DOCK11: variants seen among roughly 807,000 people sequenced by gnomAD.
DOCK11 encodes dedicator of cytokinesis protein 11.
A neutral mutation model predicts 169.1 loss-of-function variants in DOCK11; 70 were observed. That is an observed-to-expected ratio of 0.41 (90% CI 0.34 to 0.51). The LOEUF (loss-of-function observed/expected upper bound fraction) is 0.51, where lower values mean the gene tolerates loss of function less well. Among genes scored for constraint, DOCK11 ranks in the 20% least tolerant of loss-of-function variants. The probability of loss-of-function intolerance (pLI) is 0.10; values close to 1 mark genes in which losing one functional copy is unlikely to be tolerated. For missense variants in DOCK11, 1,166 were observed against 1,538.8 expected, an observed-to-expected ratio of 0.76 and a Z score of 4.05; for synonymous variants, 529 against 541.3, an observed-to-expected ratio of 0.98 and a Z score of 0.32.
intron 22 of DOCK11, 46 bp downstream of exon 22, chrX:118,598,162 G>C (rs1216250073): frequency 9.9e-7 from 1 of 1,013,441 alleles, no homozygotes; most frequent in Non-Finnish European, 1.4e-6. Flanking sequence ...ACTTGAGTTT[G>C]TTTGATTAAA....
intron 1 of DOCK11, among the ~76,000 whole-genome samples, chrX:118,521,971 T>C (rs193178941): frequency 1.3e-4 from 15 of 112,193 alleles, no homozygotes; most frequent in Admixed American, 4.8e-4. Context: ...TCTTTACTCT[T>C]TAAAGCATTG....
chrX:118,509,395 T>C (rs1266370068), intron 1 of DOCK11, among the ~76,000 whole-genome samples: 1 of 111,676 alleles, frequency 9.0e-6, no homozygotes, highest in Non-Finnish European at 1.9e-5. Context: ...CCTGAGTAGC[T>C]GGGACTACAG....
chrX:118,605,161 A>T (rs2014462345), intron 23 of DOCK11, 77 bp from the exon 24 acceptor site: 2 of 637,927 alleles, frequency 3.1e-6, no homozygotes, highest in African/African-American at 2.2e-5. Flanking sequence ...TCACTACTTA[A>T]TTTTTTTGCT....
At chrX:118,512,794 T>C (rs995149719) in intron 1 of DOCK11, among the ~76,000 whole-genome samples, 2 of 111,251 alleles carry the variant, frequency 1.8e-5, no homozygotes, top group Middle Eastern at 9.2e-3. Flanking sequence ...CTCATGCCTC[T>C]GCCAGACCCG....
chrX:118,647,642 TTA>T (rs1219587141), intron 40 of DOCK11, among the ~76,000 whole-genome samples: 4 of 61,576 alleles, frequency 6.5e-5, no homozygotes, highest in South Asian at 7.3e-4. Flanking sequence ...TGTTAATATA[TTA>T]TATGTTTATA....
intron 39 of DOCK11, among the ~76,000 whole-genome samples, chrX:118,642,603 G>A (rs1008459142): frequency 9.0e-6 from 1 of 111,629 alleles, no homozygotes; most frequent in African/African-American, 3.3e-5. Context: ...AAATAGCTGG[G>A]CAGTGGCAGA....
At chrX:118,587,258 T>C (rs182585546) in intron 16 of DOCK11, among the ~76,000 whole-genome samples, 2 of 111,860 alleles carry the variant, frequency 1.8e-5, no homozygotes, top group Admixed American at 1.9e-4. Context: ...CTATATATAG[T>C]GTAGGATTTT....
intron 1 of DOCK11, among the ~76,000 whole-genome samples, chrX:118,528,874 A>G (rs892181292): frequency 3.6e-5 from 4 of 110,246 alleles, no homozygotes; most frequent in African/African-American, 1.3e-4. Context: ...TTTAGGAGGA[A>G]GTTTGACAAG....
intron 39 of DOCK11, 96 bp from the exon 40 acceptor site, chrX:118,643,361 T>C (rs2015578568): frequency 1.1e-6 from 1 of 910,068 alleles, no homozygotes; most frequent in Non-Finnish European, 1.5e-6. Flanking sequence ...TTTATTTTCC[T>C]GAAACTTCCA....
intron 1 of DOCK11, among the ~76,000 whole-genome samples, chrX:118,516,082 C>T (rs866356947): frequency 1.2e-4 from 8 of 67,293 alleles, no homozygotes; most frequent in African/African-American, 3.8e-4. Flanking sequence ...TTTTTCTTTT[C>T]TTTTCTTTTT....
At chrX:118,612,198 T>C (rs906648510) in intron 28 of DOCK11, among the ~76,000 whole-genome samples, 13 of 112,203 alleles carry the variant, frequency 1.2e-4, no homozygotes, top group African/African-American at 4.2e-4. Context: ...TTTTAGTTTC[T>C]AACATATCCT....
chrX:118,607,112 C>CTTTTT (rs776058680), intron 24 of DOCK11, among the ~76,000 whole-genome samples: 8 of 62,999 alleles, frequency 1.3e-4, no homozygotes, highest in African/African-American at 1.8e-4. Context: ...TCCTTTCCTT[C>CTTTTT]TTTTTTTTTT....
intron 6 of DOCK11, among the ~76,000 whole-genome samples, chrX:118,548,838 G>T (rs1193009101): frequency 8.9e-6 from 1 of 112,198 alleles, no homozygotes; most frequent in African/African-American, 3.2e-5. Context: ...TATTACAACA[G>T]CAATAGGAAA....
At position 118,654,697 on chromosome X, in the gene DOCK11, T is replaced by C. The variant is rs2016023706; in HGVS notation, c.4791T>C (p.Pro1597=). 1 of 1,210,188 alleles carries C rather than the reference T, an allele frequency of 8.3e-7. No individual in the cohort carries two copies. Among genetic ancestry groups the C allele is most frequent in the Admixed American group, 2.2e-5 (1 of 45,729 alleles). Residue 1597 remains proline (P), a synonymous_variant, in exon 43 of 53, where the codon CCT becomes CCC. Transcript: ENST00000276202. The part of the protein sequence containing the change: ...TAQMKEHEKD[P]EMLIDLQYSL... ...AAATGAAGGAGCATGAGAAAGACCC[T>C]GAAATGCTAATTGATCTCCAGTATA...
chrX:118,564,711 T>TTCTC (rs369788914), intron 7 of DOCK11, among the ~76,000 whole-genome samples: 3,914 of 105,370 alleles, frequency 0.037, 79 homozygotes, highest in Non-Finnish European at 0.058. Context: ...TTCTTTCTCT[T>TTCTC]TCTCTCTCTC....
intron 1 of DOCK11, among the ~76,000 whole-genome samples, chrX:118,522,108 CAG>C (rs1182086424): frequency 1.8e-5 from 2 of 111,268 alleles, no homozygotes. Flanking sequence ...CACTTGAGGC[CAG>C]GAGTTTGAGA....
chrX:118,589,787 C>T (rs1285901628), intron 18 of DOCK11, among the ~76,000 whole-genome samples: 4 of 112,448 alleles, frequency 3.6e-5, no homozygotes, highest in South Asian at 3.6e-4. Context: ...TTTTTAAACA[C>T]GCTTCACCTT....
At chrX:118,560,708 A>G (rs1414252376) in intron 6 of DOCK11, among the ~76,000 whole-genome samples, 1 of 111,995 alleles carries the variant, frequency 8.9e-6, no homozygotes, top group Admixed American at 9.5e-5. Flanking sequence ...GCAGTCCCCA[A>G]CCTTTTCCTG....
intron 3 of DOCK11, among the ~76,000 whole-genome samples, 197 bp downstream of exon 3, chrX:118,543,212 C>T (rs1018869417): frequency 3.6e-5 from 4 of 111,961 alleles, no homozygotes; most frequent in Admixed American, 9.5e-5. Flanking sequence ...ATGCTGTTAA[C>T]AAGTCTATAT....
Sources: gnomAD v4.1 joint callset for allele counts (sites outside exome capture counted in the v4.1 genomes callset) on GRCh38, gnomAD v4.1.1 for gene constraint, MANE v1.5 for transcripts, NCBI Gene and HGNC (gene_info 2026-07-23, HGNC 2026-07-21) for gene names.